PIWIL1: variants seen among roughly 807,000 people sequenced by gnomAD.
The protein encoded by PIWIL1 is piwi-like protein 1.
In PIWIL1, 73 loss-of-function variants were observed where a neutral mutation model predicts 114.4. The observed-to-expected ratio is 0.64, with a 90% CI of 0.53 to 0.78. The LOEUF is 0.78. PIWIL1 is among the 30% of genes least tolerant of loss of function. The pLI, the probability that PIWIL1 is intolerant of heterozygous loss-of-function variation, is 0.00. For missense variants in PIWIL1, 723 were observed against 1,063.1 expected, an observed-to-expected ratio of 0.68 and a Z score of 4.45; for synonymous variants, 375 against 369.0, an observed-to-expected ratio of 1.02 and a Z score of -0.19.
the PIWIL1 span, chr12:130,396,024 A>AG: frequency 6.6e-6 from 1 of 152,330 alleles, no homozygotes; most frequent in African/African-American, 2.4e-5. Flanking sequence ...AAAAAAAAAA[A>AG]AATACTCCCA....
the PIWIL1 span, among the ~76,000 whole-genome samples, chr12:130,387,906 C>T: frequency 7.9e-5 from 12 of 152,190 alleles, no homozygotes; most frequent in Non-Finnish European, 1.8e-4. Context: ...CTTTTATAGA[C>T]AGAGTTTTCT....
chr12:130,377,164 T>C (rs1470685430), downstream of PIWIL1, among the ~76,000 whole-genome samples: 1 of 152,200 alleles, frequency 6.6e-6, no homozygotes, highest in Non-Finnish European at 1.5e-5. Context: ...GCTGAGCCCA[T>C]GAGGGCCAGG....
At chr12:130,422,096 C>G in the PIWIL1 span, among the ~76,000 whole-genome samples, 1 of 152,296 alleles carries the variant, frequency 6.6e-6, no homozygotes, top group South Asian at 2.1e-4. The surrounding 1 kb of genome is among the most constrained non-coding windows in gnomAD (Gnocchi z 5.2). Flanking sequence ...CTGAGGCACG[C>G]TGACATCCAG....
chr12:130,379,396 A>G, the PIWIL1 span, among the ~76,000 whole-genome samples: 16 of 130,046 alleles, frequency 1.2e-4, no homozygotes, highest in East Asian at 7.5e-4. Context: ...CCTCATCCCA[A>G]TTCCCATCCA....
chr12:130,390,021 T>G, the PIWIL1 span, among the ~76,000 whole-genome samples: 1 of 152,350 alleles, frequency 6.6e-6, no homozygotes, highest in South Asian at 2.1e-4. Context: ...TACCATGTTG[T>G]TGGAAACCAG....
the PIWIL1 span, among the ~76,000 whole-genome samples, chr12:130,420,440 A>C: frequency 6.6e-6 from 1 of 152,222 alleles, no homozygotes; most frequent in Non-Finnish European, 1.5e-5. The surrounding 1 kb of genome is among the most constrained non-coding windows in gnomAD (Gnocchi z 4.3). Context: ...ACCCAATTTA[A>C]CAAGTGTGCT....
chr12:130,424,771 T>C, the PIWIL1 span: 10 of 1,232,700 alleles, frequency 8.1e-6, no homozygotes, highest in Non-Finnish European at 1.0e-5. The surrounding 1 kb of genome is among the most constrained non-coding windows in gnomAD (Gnocchi z 9.8). Flanking sequence ...ACTTCGGGGA[T>C]ACTGAAAAGT....
chr12:130,345,499 G>T, intron 3 of PIWIL1: 1 of 361,154 alleles, frequency 2.8e-6, no homozygotes, highest in East Asian at 5.1e-5. Flanking sequence ...CTTGATTCAA[G>T]GTGCACATCT....
At chr12:130,402,288 A>G in the PIWIL1 span, among the ~76,000 whole-genome samples, 1 of 152,074 alleles carries the variant, frequency 6.6e-6, no homozygotes, top group Non-Finnish European at 1.5e-5. Context: ...TTTTCCATTC[A>G]ACGTTGTTCT....
At chr12:130,389,720 C>T in the PIWIL1 span, among the ~76,000 whole-genome samples, 2 of 152,096 alleles carry the variant, frequency 1.3e-5, no homozygotes, top group African/African-American at 2.4e-5. Context: ...ACATCAACTT[C>T]GTATTGTTGT....
At chr12:130,370,533 G>A (rs1300875124) in intron 19 of PIWIL1, among the ~76,000 whole-genome samples, 1 of 152,078 alleles carries the variant, frequency 6.6e-6, no homozygotes, top group Non-Finnish European at 1.5e-5. Context: ...TAGGGACCTG[G>A]GCATCCGAGG....
chr12:130,417,905 A>C, the PIWIL1 span, among the ~76,000 whole-genome samples: 1 of 152,142 alleles, frequency 6.6e-6, no homozygotes, highest in African/African-American at 2.4e-5. Context: ...TGGTCTGATC[A>C]TGGGAGGTGG....
chr12:130,401,953 T>C, the PIWIL1 span, among the ~76,000 whole-genome samples: 2 of 152,164 alleles, frequency 1.3e-5, no homozygotes, highest in Admixed American at 1.3e-4. Context: ...TACCCCAGCC[T>C]GCAGAGGCTC....
rs2073066869 is a variant in PIWIL1, at chr12:130,346,301, A to G, written c.317-69A>G. ...TTTACGGAACTGTGCCTGCCTTGTC[A>G]TGGTAGGAAAGATTTCAAGGAAAAA... is the stretch of plus-strand genomic sequence containing the variant. On this transcript the variant is annotated intron_variant, in intron 4 of 20. Coordinates refer to ENST00000245255, the MANE Select transcript of PIWIL1 (RefSeq NM_004764.5). 8 of 1,221,760 alleles carry G rather than the reference A, an allele frequency of 6.5e-6. No homozygotes were observed. The Admixed American group carries it at 1.3e-4, about 20-fold the overall frequency. 75.7% of individuals were successfully genotyped at this position (1,221,760 alleles called of 1,614,324 possible). A position where few individuals can be genotyped will look rare whatever the true frequency, so the allele number is the denominator to read the frequency against.
intron 17 of PIWIL1, 38 bp downstream of exon 17, chr12:130,362,874 C>T: frequency 1.2e-6 from 2 of 1,610,644 alleles, no homozygotes; most frequent in Non-Finnish European, 1.7e-6. Flanking sequence ...ACTCTCTAAA[C>T]TGGGGTCTTC....
chr12:130,367,124 A>G lies in PIWIL1; in HGVS notation c.2196-9A>G, dbSNP rs1390937850. The G allele has an allele frequency of 6.2e-7, 1 of 1,613,532 alleles. No individual in the cohort carries two copies. Among genetic ancestry groups the G allele is most frequent in the East Asian group, 2.2e-5 (1 of 44,862 alleles). On this transcript the variant is annotated splice_polypyrimidine_tract_variant and intron_variant, in intron 18 of 20. Transcript: ENST00000245255. Reference sequence around the variant, plus strand: ...GCTAAATGCAGTTACATTCATCATCATTTTTAAGCCCTAGACTAACGGTAA... The same window carrying G: ...GCTAAATGCAGTTACATTCATCATCGTTTTTAAGCCCTAGACTAACGGTAA...
chr12:130,398,522 T>C, the PIWIL1 span: 1 of 152,698 alleles, frequency 6.5e-6, no homozygotes, highest in Non-Finnish European at 1.5e-5. Flanking sequence ...TAGTATTGCA[T>C]TGGTATACCA....
chr12:130,397,691 A>C, the PIWIL1 span: 1 of 394,324 alleles, frequency 2.5e-6, no homozygotes, highest in South Asian at 1.4e-4. Flanking sequence ...GTATGCCATG[A>C]GAAGCAAAGG....
intron 19 of PIWIL1, among the ~76,000 whole-genome samples, chr12:130,370,543 G>A (rs1417912772): frequency 6.6e-6 from 1 of 152,126 alleles, no homozygotes; most frequent in Non-Finnish European, 1.5e-5. Context: ...GGCATCCGAG[G>A]ATTTTGGTAT....
Sources: allele counts gnomAD v4.1 joint callset (sites outside exome capture counted in the v4.1 genomes callset), GRCh38; gene constraint gnomAD v4.1.1; non-coding constraint Gnocchi (gnomAD v3.1); transcripts MANE v1.5; gene names NCBI Gene and HGNC (gene_info 2026-07-23, HGNC 2026-07-21).